ANTXR1: variants seen among roughly 807,000 people sequenced by gnomAD.
The protein encoded by ANTXR1 is ANTXR cell adhesion molecule 1, also known as anthrax toxin receptor 1.
In ANTXR1, 19 loss-of-function variants were observed where a neutral mutation model predicts 78.1. That is an observed-to-expected ratio of 0.24 (90% confidence interval 0.17 to 0.36). ANTXR1 has a LOEUF of 0.36. Ranked by LOEUF, ANTXR1 falls within the 10% of genes least tolerant of loss-of-function variation. The pLI, the probability that ANTXR1 is intolerant of heterozygous loss-of-function variation, is 1.00. For synonymous variants in ANTXR1, 273 were observed against 260.5 expected, an observed-to-expected ratio of 1.05 and a Z score of -0.46; for missense variants, 518 against 718.6, an observed-to-expected ratio of 0.72 and a Z score of 3.19.
chr2:69,140,170 T>C (rs1673030685), intron 12 of ANTXR1, among the ~76,000 whole-genome samples: 1 of 152,230 alleles, frequency 6.6e-6, no homozygotes, highest in Admixed American at 6.5e-5. Context: ...AGAGTACTTA[T>C]CACCTTCTGT....
chr2:69,084,428 TAAG>T (rs1204640947), intron 8 of ANTXR1, among the ~76,000 whole-genome samples: 2 of 152,206 alleles, frequency 1.3e-5, no homozygotes, highest in African/African-American at 4.8e-5. Context: ...TGGCATGTTT[TAAG>T]AATAAGCTTT....
At chr2:69,047,340 A>T (rs1558741656) in intron 3 of ANTXR1, among the ~76,000 whole-genome samples, 1 of 150,624 alleles carries the variant, frequency 6.6e-6, no homozygotes, top group Non-Finnish European at 1.5e-5. Context: ...TAGAATAATA[A>T]TGCCTACGAT....
chr2:69,172,673 A>C, intron 14 of ANTXR1: 2 of 535,206 alleles, frequency 3.7e-6, no homozygotes, highest in Non-Finnish European at 5.1e-6. Flanking sequence ...CTAAACTTAG[A>C]GAATGAAGAT....
chr2:69,037,050 TCTC>T (rs1268768613), intron 1 of ANTXR1, among the ~76,000 whole-genome samples: 1 of 152,140 alleles, frequency 6.6e-6, no homozygotes, highest in Non-Finnish European at 1.5e-5. Context: ...TGTTCAGAGA[TCTC>T]CTGATGATCA....
intron 10 of ANTXR1, among the ~76,000 whole-genome samples, chr2:69,108,165 T>G (rs1671870746): frequency 1.3e-5 from 2 of 152,218 alleles, no homozygotes; most frequent in South Asian, 4.1e-4. Context: ...TAAATGTAAA[T>G]AGCCACAATG....
intron 10 of ANTXR1, among the ~76,000 whole-genome samples, chr2:69,117,927 C>T (rs1672204192): frequency 6.6e-6 from 1 of 152,194 alleles, no homozygotes; most frequent in Non-Finnish European, 1.5e-5. Context: ...GCTCCCAAGT[C>T]TGGGGCGTTT....
rs563742230 is a variant in ANTXR1, at chr2:69,058,700, T to C, written c.297-11947T>C. On this transcript the variant is annotated intron_variant, in intron 3 of 17. Transcript: ENST00000303714. ...TCAGGGAGTAATTTAGATTTTCAAGTCTTATTATTTAAGAAATGCATGTCT... is the reference window on the plus strand; with the variant it reads ...TCAGGGAGTAATTTAGATTTTCAAGCCTTATTATTTAAGAAATGCATGTCT... Among the ~76,000 whole-genome samples, 35 of 152,338 alleles carry C rather than the reference T, an allele frequency of 2.3e-4. No individual in the cohort carries two copies. The South Asian group carries it at 6.2e-3, about 27-fold the overall frequency.
intron 1 of ANTXR1, among the ~76,000 whole-genome samples, chr2:69,014,258 C>T (rs187540992): frequency 2.2e-4 from 34 of 152,166 alleles, no homozygotes; most frequent in African/African-American, 7.9e-4. Flanking sequence ...GGCTGTCCTG[C>T]GCGTTGTAGG....
At position 69,013,946 on chromosome 2, in the gene ANTXR1, G is replaced by T. The variant is rs1276202527; in HGVS notation, c.152+295G>T. Among the ~76,000 whole-genome samples, 1 of 152,208 alleles carries T rather than the reference G, an allele frequency of 6.6e-6. No homozygotes were observed. Among genetic ancestry groups the T allele is most frequent in the Non-Finnish European group, 1.5e-5 (1 of 68,034 alleles). On this transcript the variant is annotated intron_variant, in intron 1 of 17. Coordinates refer to ENST00000303714, the MANE Select transcript of ANTXR1 (RefSeq NM_032208.3). The surrounding 1 kb of genome is among the most constrained non-coding windows in gnomAD (Gnocchi z 5.0). ...GGCAAGGGGCTTGGAGGATGCTATT[G>T]TCTTGCTGAGTTTCTGTGACTCCCT...
At chr2:69,037,154 G>A (rs1285900049) in intron 1 of ANTXR1, among the ~76,000 whole-genome samples, 1 of 152,208 alleles carries the variant, frequency 6.6e-6, no homozygotes, top group Non-Finnish European at 1.5e-5. Flanking sequence ...GAATTGGCGA[G>A]AGCCATCTGA....
At chr2:69,135,927 T>C (rs1178258458) in intron 12 of ANTXR1, among the ~76,000 whole-genome samples, 3 of 152,148 alleles carry the variant, frequency 2.0e-5, no homozygotes, top group Non-Finnish European at 4.4e-5. Flanking sequence ...GGTCCAAAGT[T>C]TTTTGGTTGC....
intron 9 of ANTXR1, among the ~76,000 whole-genome samples, chr2:69,093,431 G>A (rs10048729): frequency 0.094 from 14,301 of 152,092 alleles, 745 homozygotes; most frequent in African/African-American, 0.12. Context: ...ACCTCAAAAA[G>A]TAAACAATAT....
chr2:69,196,581 G>A (rs1472259461), intron 17 of ANTXR1, among the ~76,000 whole-genome samples: 2 of 152,136 alleles, frequency 1.3e-5, no homozygotes, highest in Non-Finnish European at 2.9e-5. Flanking sequence ...CATAACCTTA[G>A]GAGACTCACT....
intron 8 of ANTXR1, 22 bp from the exon 9 acceptor site, chr2:69,090,837 C>G (rs1558535018): frequency 1.2e-6 from 2 of 1,612,014 alleles, no homozygotes; most frequent in African/African-American, 2.7e-5. Context: ...TGCATTGACT[C>G]TTTTATTTCC....
chr2:69,124,959 T>C lies in ANTXR1; in HGVS notation c.951+316T>C, dbSNP rs1415733963. Among the ~76,000 whole-genome samples the C allele has an allele frequency of 2.0e-5, 3 of 152,046 alleles. 1 individual carries two copies. The East Asian group carries it at 5.8e-4, about 29-fold the overall frequency. On this transcript the variant is annotated intron_variant, in intron 12 of 17. Transcript: ENST00000303714. ...GCAGTAATGAGGGTGGAGTCCCAGA[T>C]AGAGTGGGTTTAGGAGAGAATGGAC... is the stretch of plus-strand genomic sequence containing the variant.
chr2:69,077,557 C>G, intron 8 of ANTXR1, 69 bp downstream of exon 8: 1 of 1,485,968 alleles, frequency 6.7e-7, no homozygotes, highest in Non-Finnish European at 9.4e-7. Context: ...TATTAATACC[C>G]CAATTCCATC....
intron 13 of ANTXR1, among the ~76,000 whole-genome samples, chr2:69,163,945 C>CA (rs1229056430): frequency 6.6e-6 from 1 of 152,206 alleles, no homozygotes; most frequent in Non-Finnish European, 1.5e-5. Flanking sequence ...CTTTACCTTG[C>CA]AAAAATCATA....
intron 8 of ANTXR1, among the ~76,000 whole-genome samples, chr2:69,084,122 G>A (rs1427854116): frequency 6.6e-6 from 1 of 152,154 alleles, no homozygotes; most frequent in Non-Finnish European, 1.5e-5. Context: ...AATCTGCTGA[G>A]ACCCACTATA....
intron 8 of ANTXR1, among the ~76,000 whole-genome samples, chr2:69,082,990 T>A (rs1670942912): frequency 6.6e-6 from 1 of 152,218 alleles, no homozygotes; most frequent in South Asian, 2.1e-4. Flanking sequence ...TCAGGGAAAC[T>A]GTGAGATCAA....
Sources: gnomAD v4.1 joint callset for allele counts (sites outside exome capture counted in the v4.1 genomes callset) on GRCh38, gnomAD v4.1.1 for gene constraint, Gnocchi (gnomAD v3.1) non-coding constraint, MANE v1.5 for transcripts, NCBI Gene and HGNC (gene_info 2026-07-23, HGNC 2026-07-21) for gene names.